Variants in GRK5 observed in about 807,000 individuals in gnomAD.
GRK5 encodes g protein-coupled receptor kinase GRK5.
GRK5 carries 40 observed loss-of-function variants against 78.4 expected under a neutral mutation model. The ratio of observed to expected loss-of-function variants is 0.51; its 90% CI spans 0.40 to 0.66. The LOEUF (loss-of-function observed/expected upper bound fraction) is 0.66, where lower values mean the gene tolerates loss of function less well. GRK5 is among the 30% of genes least tolerant of loss of function. GRK5 has a pLI of 0.00. For synonymous variants in GRK5, 289 were observed against 296.8 expected (o/e 0.97, Z 0.27); for missense variants, 598 against 759.9 (o/e 0.79, Z 2.50).
chr10:119,282,114 C>T (rs1849772490), intron 1 of GRK5, among the ~76,000 whole-genome samples: 1 of 152,196 alleles, frequency 6.6e-6, no homozygotes, highest in Non-Finnish European at 1.5e-5. Flanking sequence ...TGCCTTTTCA[C>T]ACAGCACCTC....
At chr10:119,416,970 A>G (rs1214252303) in intron 4 of GRK5, among the ~76,000 whole-genome samples, 2 of 152,090 alleles carry the variant, frequency 1.3e-5, no homozygotes, top group Non-Finnish European at 1.5e-5. Flanking sequence ...GTCAGTTGGT[A>G]ATTATTCCAG....
At chr10:119,277,957 G>A (rs967631839) in intron 1 of GRK5, among the ~76,000 whole-genome samples, 1 of 152,224 alleles carries the variant, frequency 6.6e-6, no homozygotes, top group Non-Finnish European at 1.5e-5. Context: ...GTGACCCACT[G>A]TATCGATAGA....
chr10:119,262,889 T>G (rs1849434458), intron 1 of GRK5, among the ~76,000 whole-genome samples: 1 of 152,216 alleles, frequency 6.6e-6, no homozygotes, highest in African/African-American at 2.4e-5. Flanking sequence ...TACACATGCA[T>G]CTAAAAATTA....
At chr10:119,283,916 GAGCAAGAGC>G (rs1316542345) in intron 1 of GRK5, among the ~76,000 whole-genome samples, 1 of 152,250 alleles carries the variant, frequency 6.6e-6, no homozygotes, top group Non-Finnish European at 1.5e-5. Context: ...TCTGTTGAAT[GAGCAAGAGC>G]AGCCAACATG....
chr10:119,366,557 A>G (rs1257912721), intron 2 of GRK5, among the ~76,000 whole-genome samples: 1 of 152,160 alleles, frequency 6.6e-6, no homozygotes, highest in East Asian at 1.9e-4. Flanking sequence ...AACGGAAGAA[A>G]GGGCATTCCA....
chr10:119,255,478 T>C (rs1589704621), intron 1 of GRK5, among the ~76,000 whole-genome samples: 2 of 152,138 alleles, frequency 1.3e-5, no homozygotes, highest in Admixed American at 1.3e-4. Flanking sequence ...TGAGTGGTGG[T>C]TTTGGAAAGG....
At chr10:119,410,147 CCT>C (rs1232038802) in intron 4 of GRK5, among the ~76,000 whole-genome samples, 2 of 152,256 alleles carry the variant, frequency 1.3e-5, no homozygotes, top group African/African-American at 2.4e-5. Context: ...GCTCAGCTGG[CCT>C]CTCACTCCAC....
chr10:119,227,992 G>A (rs1015154544), intron 1 of GRK5, among the ~76,000 whole-genome samples: 4 of 152,110 alleles, frequency 2.6e-5, no homozygotes, highest in South Asian at 2.1e-4. Context: ...TACCAATGAC[G>A]TGCAGGAAGT....
intron 1 of GRK5, among the ~76,000 whole-genome samples, chr10:119,307,575 C>G (rs1850292320): frequency 6.6e-6 from 1 of 152,130 alleles, no homozygotes; most frequent in African/African-American, 2.4e-5. Flanking sequence ...CCTGTAGATT[C>G]TCCCCTGGAG....
At chr10:119,392,569 A>ATT (rs1381827369) in intron 3 of GRK5, among the ~76,000 whole-genome samples, 1 of 152,060 alleles carries the variant, frequency 6.6e-6, no homozygotes, top group Admixed American at 6.5e-5. Flanking sequence ...TGCTTGGCTA[A>ATT]TTTTTTGTAT....
intron 1 of GRK5, among the ~76,000 whole-genome samples, chr10:119,299,406 C>T (rs1453322300): frequency 6.7e-6 from 1 of 149,774 alleles, no homozygotes; most frequent in Non-Finnish European, 1.5e-5. Context: ...GCACTCCAGC[C>T]TGGGTGATGG....
intron 1 of GRK5, among the ~76,000 whole-genome samples, chr10:119,225,749 C>T (rs1848726435): frequency 6.6e-6 from 1 of 150,808 alleles, no homozygotes; most frequent in Non-Finnish European, 1.5e-5. Flanking sequence ...TGGCTCACTG[C>T]AACCTCCTCC....
At chr10:119,307,510 T>G (rs1393533626) in intron 1 of GRK5, among the ~76,000 whole-genome samples, 1 of 152,046 alleles carries the variant, frequency 6.6e-6, no homozygotes, top group African/African-American at 2.4e-5. Flanking sequence ...GACCAGCGAC[T>G]GCTGGTTTTG....
Position 119,239,390 on chromosome 10 carries a change from G to A in GRK5, c.52+31421G>A, listed in dbSNP as rs565973299. On this transcript the variant is annotated intron_variant, in intron 1 of 15. Coordinates refer to ENST00000392870, the MANE Select transcript of GRK5 (RefSeq NM_005308.3). ...GCTGGGACTACAGGCACCTGCCACC[G>A]TACTTGACTAAATTTTTTGTATTTT... Among the ~76,000 whole-genome samples, 23 of 151,998 alleles carry A rather than the reference G, an allele frequency of 1.5e-4. No individual in the cohort carries two copies. In the East Asian group the frequency reaches 4.1e-3, roughly 27 times the overall value.
At chr10:119,377,083 G>C (rs1040540602) in intron 2 of GRK5, among the ~76,000 whole-genome samples, 2 of 152,162 alleles carry the variant, frequency 1.3e-5, no homozygotes, top group African/African-American at 2.4e-5. Flanking sequence ...TGGAGACAGA[G>C]AGAAAAGTCT....
At chr10:119,330,295 G>A (rs1850749586) in intron 2 of GRK5, 1 of 141,020 alleles carries the variant, frequency 7.1e-6, no homozygotes, top group African/African-American at 2.6e-5. Context: ...AATGCCAGCA[G>A]ATCTGATGTC....
At chr10:119,283,638 C>T (rs1849799490) in intron 1 of GRK5, among the ~76,000 whole-genome samples, 1 of 152,216 alleles carries the variant, frequency 6.6e-6, no homozygotes. Flanking sequence ...AGCTCAGACA[C>T]CTGCCCTCTG....
chr10:119,344,872 CCCTT>C (rs545170705), intron 2 of GRK5, among the ~76,000 whole-genome samples: 6,817 of 73,626 alleles, frequency 0.093, 322 homozygotes, highest in East Asian at 0.24. Flanking sequence ...ACAAGACCCA[CCCTT>C]CCTTCCTTCC....
At chr10:119,425,674 T>G (rs1307208271) in intron 6 of GRK5, among the ~76,000 whole-genome samples, 2 of 152,266 alleles carry the variant, frequency 1.3e-5, no homozygotes, top group African/African-American at 4.8e-5. Context: ...TCATCAATGC[T>G]GTTCTCGTCT....
Sources: allele counts gnomAD v4.1 joint callset (sites outside exome capture counted in the v4.1 genomes callset), GRCh38; gene constraint gnomAD v4.1.1; transcripts MANE v1.5; gene names NCBI Gene and HGNC (gene_info 2026-07-23, HGNC 2026-07-21).